The following SMCHD1 variants were observed in gnomAD, a reference collection of about 807,000 sequenced individuals.
The protein encoded by SMCHD1 is structural maintenance of chromosomes flexible hinge domain containing 1.
A neutral mutation model predicts 254.7 loss-of-function variants in SMCHD1; 78 were observed. That is an observed-to-expected ratio of 0.31 (90% CI 0.26 to 0.37). The LOEUF (loss-of-function observed/expected upper bound fraction) is 0.37. Ranked by LOEUF, SMCHD1 falls within the 10% of genes least tolerant of loss-of-function variation. SMCHD1 has a pLI of 1.00. For synonymous variants in SMCHD1, 766 were observed against 794.9 expected (o/e 0.96, Z 0.61); for missense variants, 1,840 against 2,408.1 (o/e 0.76, Z 4.94).
chr18:2,772,875 ACT>A (rs1198121943), intron 41 of SMCHD1, among the ~76,000 whole-genome samples: 1 of 152,216 alleles, frequency 6.6e-6, no homozygotes, highest in Non-Finnish European at 1.5e-5. Context: ...AAGTAGTCTG[ACT>A]CTGGAGTCTT....
chr18:2,729,811 T>G (rs2075102296), intron 24 of SMCHD1, among the ~76,000 whole-genome samples: 3 of 151,954 alleles, frequency 2.0e-5, no homozygotes, highest in African/African-American at 7.3e-5. Flanking sequence ...TAAGCTCTAG[T>G]GATGTGCTCA....
In SMCHD1 at chr18:2,670,698, C is replaced by T. The variant is rs181772343; in HGVS notation, c.425-2583C>T. On this transcript the variant is annotated intron_variant, in intron 3 of 47. Coordinates refer to ENST00000320876, the MANE Select transcript of SMCHD1 (RefSeq NM_015295.3). ...GGCAGATTACTTGAGGTCAGGAGTT[C>T]GAGACCATCCTGGCCAACATGGTGA... is the stretch of plus-strand genomic sequence containing the variant. Among the ~76,000 whole-genome samples, 28 of 151,978 alleles carry T rather than the reference C, an allele frequency of 1.8e-4. 1 individual carries two copies. The highest frequency in any genetic ancestry group is 3.4e-4 in the Non-Finnish European group (23 of 67,960).
intron 37 of SMCHD1, among the ~76,000 whole-genome samples, chr18:2,767,213 A>G (rs2075883799): frequency 6.6e-6 from 1 of 151,728 alleles, no homozygotes; most frequent in Admixed American, 6.6e-5. Context: ...AGCCATGATT[A>G]TGCCACTGCA....
chr18:2,711,185 A>G (rs2074658764), intron 17 of SMCHD1, among the ~76,000 whole-genome samples: 3 of 151,806 alleles, frequency 2.0e-5, no homozygotes, highest in Admixed American at 2.0e-4. Context: ...TTTTTTAAAA[A>G]TATTGACGAG....
intron 3 of SMCHD1, among the ~76,000 whole-genome samples, chr18:2,672,480 G>A (rs1004102488): frequency 3.9e-5 from 6 of 152,104 alleles, no homozygotes; most frequent in Non-Finnish European, 5.9e-5. Flanking sequence ...AGCCTGCCTC[G>A]GCCTCCCAAA....
intron 13 of SMCHD1, among the ~76,000 whole-genome samples, chr18:2,705,448 A>G (rs191335782): frequency 3.3e-5 from 5 of 152,140 alleles, no homozygotes; most frequent in African/African-American, 7.2e-5. Context: ...TGTAAGACAC[A>G]TGCTTAATTC....
In SMCHD1 at chr18:2,772,372, G is replaced by A. The variant is rs763696893; in HGVS notation, c.5175G>A (p.Lys1725=). ...AAGGCAGTGGAGATGTTTTGGGAAA[G>A]GTTTGTGTTTATTAAGCCTTTTGAA... The part of the protein sequence containing the change: ...YTKGSGDVLG[K]IAHLAQIEDD... The change falls in exon 41 of 48, where the codon AAG becomes AAA. Residue 1725 remains lysine, a splice_region_variant and synonymous_variant. Transcript: ENST00000320876. The A allele has an allele frequency of 4.5e-6, 7 of 1,554,504 alleles. No individual in the cohort carries two copies. Among genetic ancestry groups the A allele is most frequent in the East Asian group, 2.4e-5 (1 of 42,024 alleles).
intron 35 of SMCHD1, 56 bp from the exon 36 acceptor site, chr18:2,762,049 T>G: frequency 6.8e-7 from 1 of 1,479,550 alleles, no homozygotes; most frequent in Non-Finnish European, 9.3e-7. Flanking sequence ...TCCCTTCCTC[T>G]TAAATGCTAA....
chr18:2,694,759 G>A (rs2074251689), intron 8 of SMCHD1, 66 bp downstream of exon 8: 1 of 1,381,076 alleles, frequency 7.2e-7, no homozygotes, highest in Non-Finnish European at 1.0e-6. Flanking sequence ...AAACATTACA[G>A]ATATATTGAA....
In SMCHD1 at chr18:2,717,123, G is replaced by A. The variant is rs376820644; in HGVS notation, c.2261-1035G>A. ...GTGCAGCCCGCTGTGACTTAGGATC[G>A]GGAATGGCTGCCTTCTATTTGTACC... is the stretch of plus-strand genomic sequence containing the variant. On this transcript the variant is annotated intron_variant, in intron 17 of 47. Transcript: ENST00000320876. 5.9e-5 allele frequency among the ~76,000 whole-genome samples: 9 copies of A among 152,230 alleles called. No individual in the cohort carries two copies. In the East Asian group the frequency reaches 1.2e-3, roughly 20 times the overall value.
chr18:2,774,568 G>GC (rs1197582771), intron 41 of SMCHD1, among the ~76,000 whole-genome samples: 3 of 151,946 alleles, frequency 2.0e-5, no homozygotes, highest in African/African-American at 4.8e-5. Flanking sequence ...GTGCCACCAT[G>GC]CCCCCCTAAT....
chr18:2,664,079 T>A (rs1598280296), intron 1 of SMCHD1, among the ~76,000 whole-genome samples: 1 of 152,100 alleles, frequency 6.6e-6, no homozygotes, highest in South Asian at 2.1e-4. Flanking sequence ...GAGAGAATCA[T>A]GTTATGAACC....
In SMCHD1 at chr18:2,670,212, T is replaced by A. The variant is rs148910470; in HGVS notation, c.425-3069T>A. 3.6e-3 allele frequency among the ~76,000 whole-genome samples: 547 copies of A among 152,228 alleles called. 2 individuals carry two copies. Among genetic ancestry groups the A allele is most frequent in the South Asian group, 0.018 (86 of 4,824 alleles). ...CTGCTTTGTACTTCTCTGACTTTGT[T>A]TCTACTACCTTTCTTACTTTTTCAC... On this transcript the variant is annotated intron_variant, in intron 3 of 47. Coordinates refer to ENST00000320876, the MANE Select transcript of SMCHD1 (RefSeq NM_015295.3).
chr18:2,722,827 G>C (rs1417981179), intron 20 of SMCHD1, among the ~76,000 whole-genome samples, 164 bp downstream of exon 20: 1 of 152,008 alleles, frequency 6.6e-6, no homozygotes, highest in African/African-American at 2.4e-5. Flanking sequence ...TATCCTCTGT[G>C]ACTAGTGTCA....
rs138120280 is a variant in SMCHD1, at chr18:2,795,582, T to G, written c.5720-367T>G. Among the ~76,000 whole-genome samples the G allele has an allele frequency of 7.4e-3, 1,120 of 152,308 alleles. 12 individuals carry two copies. Among genetic ancestry groups the G allele is most frequent in the South Asian group, 0.049 (235 of 4,830 alleles). On this transcript the variant is annotated intron_variant, in intron 45 of 47. Coordinates refer to ENST00000320876, the MANE Select transcript of SMCHD1 (RefSeq NM_015295.3). ...TGATTTCTAACAACACAATATTTAA[T>G]GTATTTGCCTTCTCCCTGCAAAATT... is the stretch of plus-strand genomic sequence containing the variant.
intron 13 of SMCHD1, 68 bp downstream of exon 13, chr18:2,703,954 C>T: frequency 1.7e-6 from 2 of 1,205,890 alleles, no homozygotes; most frequent in Admixed American, 3.0e-5. Flanking sequence ...TATGCAGAAT[C>T]ACATGTATAG....
chr18:2,802,595 C>T lies in SMCHD1; in HGVS notation c.*43C>T, dbSNP rs371106689. ...AGGCCATTGGTCTCAGTAAGAATGC[C>T]CTGCTTTCTGCATCTCTGTTTCAGA... On this transcript the variant is annotated 3_prime_UTR_variant, in exon 48 of 48. Transcript: ENST00000320876. The T allele has an allele frequency of 1.7e-3, 2,561 of 1,516,038 alleles. 5 individuals carry two copies. Among genetic ancestry groups the T allele is most frequent in the Non-Finnish European group, 2.0e-3 (2,221 of 1,125,348 alleles). 93.9% of individuals were successfully genotyped at this position (1,516,038 alleles called of 1,614,324 possible).
At chr18:2,686,849 A>G (rs1300482580) in intron 5 of SMCHD1, among the ~76,000 whole-genome samples, 2 of 151,996 alleles carry the variant, frequency 1.3e-5, no homozygotes, top group African/African-American at 2.4e-5. Context: ...TTGATTATTT[A>G]TATATGAGGA....
intron 37 of SMCHD1, among the ~76,000 whole-genome samples, chr18:2,767,284 G>A (rs772315492): frequency 1.5e-4 from 23 of 151,486 alleles, no homozygotes; most frequent in Non-Finnish European, 2.4e-4. Flanking sequence ...TACACTTTAT[G>A]TACGTAAGCA....
Sources: allele counts gnomAD v4.1 joint callset (sites outside exome capture counted in the v4.1 genomes callset), GRCh38; gene constraint gnomAD v4.1.1; transcripts MANE v1.5; gene names NCBI Gene and HGNC (gene_info 2026-07-23, HGNC 2026-07-21).